Variants in FREM1 observed in about 807,000 individuals in gnomAD.
FREM1 encodes FRAS1-related extracellular matrix protein 1.
FREM1 carries 220 observed loss-of-function variants against 210.1 expected under a neutral mutation model. That is an observed-to-expected ratio of 1.05 (90% CI 0.94 to 1.17). The LOEUF (loss-of-function observed/expected upper bound fraction) is 1.17, where lower values mean the gene tolerates loss of function less well. Ranked by LOEUF, FREM1 falls within the 50% of genes most tolerant of loss-of-function variation. The pLI, the probability that FREM1 is intolerant of heterozygous loss-of-function variation, is 0.00. For missense variants in FREM1, 3,454 were observed against 2,675.5 expected (o/e 1.29, Z -6.42); for synonymous variants, 1,189 against 980.2 (o/e 1.21, Z -3.98).
chr9:14,908,223 TTC>T (rs1040893821), intron 1 of FREM1, among the ~76,000 whole-genome samples: 6 of 152,192 alleles, frequency 3.9e-5, no homozygotes, highest in Non-Finnish European at 7.3e-5. Flanking sequence ...AAGAATCATT[TTC>T]TGTTTCTTCT....
chr9:14,875,011 C>G (rs990430461), intron 1 of FREM1, among the ~76,000 whole-genome samples: 16 of 152,180 alleles, frequency 1.1e-4, no homozygotes, highest in Middle Eastern at 3.2e-3. Context: ...TCTCTTCTGG[C>G]TTGTAGAGTT....
intron 8 of FREM1, among the ~76,000 whole-genome samples, chr9:14,843,582 C>T (rs1026358099): frequency 6.6e-6 from 1 of 152,204 alleles, no homozygotes; most frequent in South Asian, 2.1e-4. Flanking sequence ...TCTAGGGAAC[C>T]CTTACTAATA....
At chr9:14,908,974 C>A (rs1465326588) in intron 1 of FREM1, among the ~76,000 whole-genome samples, 1 of 152,154 alleles carries the variant, frequency 6.6e-6, no homozygotes, top group Non-Finnish European at 1.5e-5. Context: ...TGAGGCACAG[C>A]TCTTCAAGCT....
intron 1 of FREM1, among the ~76,000 whole-genome samples, chr9:14,874,811 GT>G (rs1833386377): frequency 6.6e-6 from 1 of 152,152 alleles, no homozygotes; most frequent in Non-Finnish European, 1.5e-5. Context: ...GGTACCGGTT[GT>G]TCCTTTCCAT....
At chr9:14,831,909 C>G (rs1490052744) in intron 10 of FREM1, among the ~76,000 whole-genome samples, 1 of 152,188 alleles carries the variant, frequency 6.6e-6, no homozygotes, top group African/African-American at 2.4e-5. Flanking sequence ...GCCGGGAATC[C>G]AAGAGCGACG....
chr9:14,768,864 A>C (rs1846982137), intron 27 of FREM1, among the ~76,000 whole-genome samples: 1 of 152,212 alleles, frequency 6.6e-6, no homozygotes. Context: ...TATGATGCTT[A>C]GTATGACTAG....
chr9:14,851,314 G>C lies in FREM1; in HGVS notation c.1122C>G (p.Asn374Lys), dbSNP rs762521498. Reference protein sequence around the residue: ...SDMQIAYQPPNSSHSERRHDE... With the variant: ...SDMQIAYQPPKSSHSERRHDE... Reference sequence around the variant, plus strand: ...CATGTCTCCTCTCAGAATGGCTGCTGTTTGGTGGCTGATAGGCGATCTGCA... The same window carrying C: ...CATGTCTCCTCTCAGAATGGCTGCTCTTTGGTGGCTGATAGGCGATCTGCA... The change falls in exon 6 of 37, where the codon AAC (asparagine) becomes AAG (lysine). Residue 374 changes from asparagine (N) to lysine (K), a missense_variant. By Grantham distance (94) the Asn-to-Lys change is moderately conservative (BLOSUM62 0). Transcript: ENST00000380880. 2 of 1,602,312 alleles carry C rather than the reference G, an allele frequency of 1.2e-6. No individual in the cohort carries two copies. Among genetic ancestry groups the C allele is most frequent in the African/African-American group, 1.3e-5 (1 of 74,734 alleles).
intron 8 of FREM1, among the ~76,000 whole-genome samples, 181 bp from the exon 9 acceptor site, chr9:14,842,841 C>T (rs1588307862): frequency 2.0e-5 from 3 of 152,182 alleles, no homozygotes; most frequent in African/African-American, 7.2e-5. Flanking sequence ...TGAATACTGG[C>T]TCCAACATTT....
Position 14,824,964 on chromosome 9 carries a change from T to C in FREM1, c.1910A>G (p.Asp637Gly). 1.2e-6 allele frequency: 2 copies of C among 1,601,292 alleles called. No individual in the cohort carries two copies. Among genetic ancestry groups the C allele is most frequent in the African/African-American group, 1.4e-5 (1 of 73,934 alleles). The part of the protein sequence containing the change: ...QVATIHITPV[D>G]DQLPKEAPGV... Reference sequence around the variant, plus strand: ...AGGAGCCTCTTTTGGAAGCTGGTCATCCACTGGAGTTATATGGATTGTTGC... The same window carrying C: ...AGGAGCCTCTTTTGGAAGCTGGTCACCCACTGGAGTTATATGGATTGTTGC... Residue 637 changes from aspartate to glycine, a missense_variant, in exon 11 of 37, where the codon GAT (aspartate) becomes GGT (glycine). Physicochemically the swap from Asp to Gly is moderately conservative, Grantham distance 94 (BLOSUM62 -1). Transcript: ENST00000380880.
intron 2 of FREM1, among the ~76,000 whole-genome samples, chr9:14,868,448 G>T (rs1410794828): frequency 6.6e-6 from 1 of 152,164 alleles, no homozygotes; most frequent in African/African-American, 2.4e-5. Flanking sequence ...ATATTAGTTT[G>T]AACCTGATTT....
At chr9:14,891,431 A>C (rs1564182553) in intron 1 of FREM1, among the ~76,000 whole-genome samples, 1 of 152,244 alleles carries the variant, frequency 6.6e-6, no homozygotes, top group Non-Finnish European at 1.5e-5. Flanking sequence ...CTAATGATTC[A>C]AAACAGGCAG....
intron 1 of FREM1, among the ~76,000 whole-genome samples, chr9:14,896,934 C>T (rs562061244): frequency 1.3e-5 from 2 of 152,296 alleles, no homozygotes; most frequent in East Asian, 3.9e-4. Context: ...GCATTCCTTG[C>T]TCAAGATTAA....
chr9:14,907,880 C>G (rs1818052273), intron 1 of FREM1, among the ~76,000 whole-genome samples: 1 of 152,152 alleles, frequency 6.6e-6, no homozygotes, highest in African/African-American at 2.4e-5. Context: ...ACTTATTTTA[C>G]TGATGAGGAA....
chr9:14,805,354 G>C (rs573003649), intron 18 of FREM1, among the ~76,000 whole-genome samples: 1 of 152,188 alleles, frequency 6.6e-6, no homozygotes, highest in Non-Finnish European at 1.5e-5. Flanking sequence ...TCATACAGAA[G>C]AATAAAATTT....
chr9:14,874,412 C>T (rs1833303855), intron 1 of FREM1, among the ~76,000 whole-genome samples: 2 of 150,112 alleles, frequency 1.3e-5, no homozygotes, highest in Non-Finnish European at 1.5e-5. Flanking sequence ...ATCCCTTTAC[C>T]ATTATGTAAT....
intron 3 of FREM1, among the ~76,000 whole-genome samples, chr9:14,861,200 TACAC>T (rs201838872): frequency 2.2e-4 from 24 of 107,534 alleles, no homozygotes; most frequent in African/African-American, 1.1e-3. Context: ...TATACATATA[TACAC>T]ACATATACAT....
At chr9:14,837,729 A>G (rs950824479) in intron 10 of FREM1, among the ~76,000 whole-genome samples, 5 of 152,190 alleles carry the variant, frequency 3.3e-5, no homozygotes, top group Admixed American at 1.3e-4. Context: ...AATTGGGGGG[A>G]AAAAATCATG....
At chr9:14,879,882 T>C (rs1834482942) in intron 1 of FREM1, among the ~76,000 whole-genome samples, 1 of 152,162 alleles carries the variant, frequency 6.6e-6, no homozygotes, top group African/African-American at 2.4e-5. Flanking sequence ...TACAATATGA[T>C]AGGGGCAATA....
chr9:14,770,082 C>A (rs1847252656), intron 26 of FREM1, among the ~76,000 whole-genome samples: 1 of 151,738 alleles, frequency 6.6e-6, no homozygotes, highest in Non-Finnish European at 1.5e-5. Context: ...AAATATTTGC[C>A]TTAAAAAAAT....
Sources: allele counts gnomAD v4.1 joint callset (sites outside exome capture counted in the v4.1 genomes callset), GRCh38; gene constraint gnomAD v4.1.1; transcripts MANE v1.5; gene names NCBI Gene and HGNC (gene_info 2026-07-23, HGNC 2026-07-21).